SMARCAL1: variants seen among roughly 807,000 people sequenced by gnomAD.
SMARCAL1 encodes the protein SNF2 related chromatin remodeling annealing helicase 1.
Under a neutral mutation model 94.5 loss-of-function variants are expected in SMARCAL1, and 58 were observed. That is an observed-to-expected ratio of 0.61 (90% CI 0.50 to 0.76). SMARCAL1 has a LOEUF of 0.76. Ranked by LOEUF, SMARCAL1 falls within the 30% of genes least tolerant of loss-of-function variation. The pLI is 0.00. For synonymous variants in SMARCAL1, 422 were observed against 455.1 expected (o/e 0.93, Z 0.93); for missense variants, 1,051 against 1,177.9 (o/e 0.89, Z 1.58).
intron 10 of SMARCAL1, 72 bp from the exon 11 acceptor site, chr2:216,446,946 A>C: frequency 6.3e-7 from 1 of 1,594,032 alleles, no homozygotes; most frequent in Non-Finnish European, 8.6e-7. Context: ...CTCCTCCCTC[A>C]CTGGGGCATT....
At chr2:216,421,750 A>G (rs1693726696) in intron 5 of SMARCAL1, among the ~76,000 whole-genome samples, 1 of 152,140 alleles carries the variant, frequency 6.6e-6, no homozygotes, top group South Asian at 2.1e-4. Flanking sequence ...CCATTCTTGA[A>G]TTGGTTTAAT....
At chr2:216,448,078 T>TA (rs1344090531) in intron 11 of SMARCAL1, among the ~76,000 whole-genome samples, 2 of 152,230 alleles carry the variant, frequency 1.3e-5, no homozygotes, top group African/African-American at 4.8e-5. Flanking sequence ...AATATCCACT[T>TA]ACATTCAAAC....
intron 6 of SMARCAL1, among the ~76,000 whole-genome samples, chr2:216,424,308 C>G (rs1344032946): frequency 1.3e-5 from 2 of 152,176 alleles, no homozygotes; most frequent in East Asian, 3.8e-4. Context: ...GCAATAAATT[C>G]TAATATGCCT....
At chr2:216,455,850 GA>G (rs1320098464) in intron 12 of SMARCAL1, among the ~76,000 whole-genome samples, 1 of 152,246 alleles carries the variant, frequency 6.6e-6, no homozygotes, top group Non-Finnish European at 1.5e-5. Flanking sequence ...GCTGGACGGA[GA>G]ATGACTTTGA....
intron 3 of SMARCAL1, 78 bp from the exon 4 acceptor site, chr2:216,416,179 A>G: frequency 7.2e-6 from 9 of 1,254,114 alleles, no homozygotes; most frequent in Non-Finnish European, 1.1e-5. Flanking sequence ...TCCTTCATTC[A>G]TTCATTTAGA....
At chr2:216,424,879 A>G (rs1343888483) in intron 6 of SMARCAL1, among the ~76,000 whole-genome samples, 4 of 152,144 alleles carry the variant, frequency 2.6e-5, no homozygotes, top group Admixed American at 1.3e-4. Context: ...GGCTGCTACT[A>G]TTTGGAACTT....
In SMARCAL1 at chr2:216,423,630, C is replaced by T. The variant is rs749324253; in HGVS notation, c.1097-3C>T. 3 of 1,612,256 alleles carry T rather than the reference C, an allele frequency of 1.9e-6. No individual in the cohort carries two copies. Among genetic ancestry groups the T allele is most frequent in the Non-Finnish European group, 2.5e-6 (3 of 1,178,312 alleles). ...TTTGCTTATTTATTTCTTGTCATTG[C>T]AGATGTCAAGACCAGGAAGTGGAGC... On this transcript the variant is annotated splice_polypyrimidine_tract_variant and splice_region_variant and intron_variant, in intron 5 of 17. Coordinates refer to ENST00000357276, the MANE Select transcript of SMARCAL1 (RefSeq NM_014140.4).
rs972028537 is a variant in SMARCAL1, at chr2:216,461,835, A to G, written c.2071-2762A>G. Reference sequence around the variant, plus strand: ...ACAGACAGAGACCTTGTCTCAAAAAAAAAAAAAACAAACCATAATATTTAA... The same window carrying G: ...ACAGACAGAGACCTTGTCTCAAAAAGAAAAAAAACAAACCATAATATTTAA... On this transcript the variant is annotated intron_variant, in intron 12 of 17. Coordinates refer to ENST00000357276, the MANE Select transcript of SMARCAL1 (RefSeq NM_014140.4). Among the ~76,000 whole-genome samples, 8 of 152,218 alleles carry G rather than the reference A, an allele frequency of 5.3e-5. No homozygotes were observed. In the South Asian group the frequency reaches 1.7e-3, roughly 32 times the overall value.
chr2:216,414,762 G>C lies in SMARCAL1; in HGVS notation c.58G>C (p.Ala20Pro). 1.9e-6 allele frequency: 3 copies of C among 1,614,188 alleles called. No homozygotes were observed. The highest frequency in any genetic ancestry group is 2.5e-6 in the Non-Finnish European group (3 of 1,180,032). The part of the protein sequence containing the change: ...RKKIEENRQK[A>P]LARRAEKLLA... The stretch of plus-strand genomic sequence containing the variant: ...AAAGATTGAAGAGAATCGACAAAAG[G>C]CTCTGGCCCGCAGAGCTGAGAAGTT... Residue 20 changes from alanine to proline, a missense_variant, in exon 3 of 18, where the codon GCT (alanine) becomes CCT (proline). Physicochemically the swap from Ala to Pro is conservative, Grantham distance 27. Coordinates refer to ENST00000357276, the MANE Select transcript of SMARCAL1 (RefSeq NM_014140.4).
rs370523069 is a variant in SMARCAL1, at chr2:216,478,317, C to G, written c.2625+18C>G. 2 of 1,573,682 alleles carry G rather than the reference C, an allele frequency of 1.3e-6. No homozygotes were observed. The highest frequency in any genetic ancestry group is 4.5e-5 in the East Asian group (2 of 44,692). ...TCTACAAGGTAATGCCAGCACATGG[C>G]TCTTCACCCCTGGAGCAGAGGGAGG... On this transcript the variant is annotated intron_variant, in intron 17 of 17. Transcript: ENST00000357276.
chr2:216,460,560 A>G (rs1395779028), intron 12 of SMARCAL1, among the ~76,000 whole-genome samples: 1 of 151,384 alleles, frequency 6.6e-6, no homozygotes, highest in Non-Finnish European at 1.5e-5. Flanking sequence ...GCTGGAAACC[A>G]CCATTCTCAG....
chr2:216,478,895 C>G (rs940623911), intron 17 of SMARCAL1: 1 of 169,710 alleles, frequency 5.9e-6, no homozygotes, highest in African/African-American at 2.4e-5. Context: ...AGAGGCATCC[C>G]TCCATGACCA....
chr2:216,423,580 C>T (rs375094874), intron 5 of SMARCAL1, 53 bp from the exon 6 acceptor site: 412 of 1,416,210 alleles, frequency 2.9e-4, no homozygotes, highest in Non-Finnish European at 4.0e-4. Flanking sequence ...AGTGTGATCA[C>T]GTAGCAGAAG....
chr2:216,474,382 T>C (rs1298765467), intron 14 of SMARCAL1, among the ~76,000 whole-genome samples: 3 of 143,164 alleles, frequency 2.1e-5, no homozygotes, highest in South Asian at 2.4e-4. Flanking sequence ...TCAGGTGATC[T>C]ACCTGCCTTG....
intron 4 of SMARCAL1, 86 bp downstream of exon 4, chr2:216,416,393 G>A (rs1412769332): frequency 3.4e-6 from 4 of 1,172,786 alleles, no homozygotes; most frequent in African/African-American, 3.1e-5. Context: ...CTTATGGAGT[G>A]CATGGCTTTA....
chr2:216,460,841 A>T (rs975910294), intron 12 of SMARCAL1, among the ~76,000 whole-genome samples: 1 of 152,184 alleles, frequency 6.6e-6, no homozygotes. Context: ...GTAATAAAAA[A>T]ATATATTTAA....
intron 17 of SMARCAL1, 27 bp downstream of exon 17, chr2:216,478,326 C>A: frequency 6.5e-7 from 1 of 1,546,872 alleles, no homozygotes; most frequent in Non-Finnish European, 8.9e-7. Context: ...GCTCTTCACC[C>A]CTGGAGCAGA....
intron 7 of SMARCAL1, 149 bp from the exon 8 acceptor site, chr2:216,432,569 C>G (rs1693988092): frequency 1.1e-6 from 1 of 880,646 alleles, no homozygotes; most frequent in Admixed American, 2.0e-5. Context: ...GCCTATGTAC[C>G]TTTCCTTCTG....
At position 216,425,302 on chromosome 2, in the gene SMARCAL1, C is replaced by T. The variant is rs544071276; in HGVS notation, c.1147+1619C>T. On this transcript the variant is annotated intron_variant, in intron 6 of 17. Coordinates refer to ENST00000357276, the MANE Select transcript of SMARCAL1 (RefSeq NM_014140.4). ...CTCCAGACTGTGGCACAGGCACCAG[C>T]TCTGTATGAGGCTGCAGCTGGACTA... Among the ~76,000 whole-genome samples, 76 of 152,358 alleles carry T rather than the reference C, an allele frequency of 5.0e-4. 2 individuals carry two copies. Among genetic ancestry groups the T allele is most frequent in the South Asian group, 4.1e-3 (20 of 4,828 alleles).
Sources: allele counts gnomAD v4.1 joint callset (sites outside exome capture counted in the v4.1 genomes callset), GRCh38; gene constraint gnomAD v4.1.1; transcripts MANE v1.5; gene names NCBI Gene and HGNC (gene_info 2026-07-23, HGNC 2026-07-21).